Variants in STAG1 observed in about 807,000 individuals in gnomAD.
STAG1 encodes the protein cohesin subunit SA-1.
A neutral mutation model predicts 170.9 loss-of-function variants in STAG1; 26 were observed. The ratio of observed to expected loss-of-function variants is 0.15; its 90% CI spans 0.11 to 0.21. The LOEUF (loss-of-function observed/expected upper bound fraction) is 0.21, where lower values mean the gene tolerates loss of function less well. STAG1 is among the 10% of genes least tolerant of loss of function. The probability of loss-of-function intolerance (pLI) is 1.00; values close to 1 mark genes in which losing one functional copy is unlikely to be tolerated. For synonymous variants in STAG1, 514 were observed against 497.7 expected (o/e 1.03, Z -0.44); for missense variants, 964 against 1,509.5 (o/e 0.64, Z 5.99).
At chr3:136,697,419 G>A (rs989082726) in intron 1 of STAG1, among the ~76,000 whole-genome samples, 4 of 152,068 alleles carry the variant, frequency 2.6e-5, no homozygotes, top group African/African-American at 9.7e-5. Context: ...GATCTTCCAG[G>A]TGATTCTAAA....
At chr3:136,710,077 G>C (rs1943341331) in intron 1 of STAG1, among the ~76,000 whole-genome samples, 1 of 152,134 alleles carries the variant, frequency 6.6e-6, no homozygotes, top group Non-Finnish European at 1.5e-5. Flanking sequence ...GGGGAGGAGG[G>C]ATTGGGAACT....
At chr3:136,717,780 G>C (rs1943582556) in intron 1 of STAG1, among the ~76,000 whole-genome samples, 1 of 152,176 alleles carries the variant, frequency 6.6e-6, no homozygotes, top group South Asian at 2.1e-4. Context: ...ATCACGTATG[G>C]AAAGTAAAAT....
intron 1 of STAG1, among the ~76,000 whole-genome samples, chr3:136,697,050 C>A (rs549210263): frequency 6.6e-6 from 1 of 152,184 alleles, no homozygotes; most frequent in African/African-American, 2.4e-5. Flanking sequence ...TTGTCTTTAA[C>A]ATCTGTGGCG....
chr3:136,365,534 C>T (rs1937042284), intron 25 of STAG1, among the ~76,000 whole-genome samples: 1 of 152,044 alleles, frequency 6.6e-6, no homozygotes, highest in African/African-American at 2.4e-5. Context: ...CTGGGATCCA[C>T]CCTAAATATT....
chr3:136,538,694 A>T (rs1291443569), intron 6 of STAG1, among the ~76,000 whole-genome samples: 1 of 151,402 alleles, frequency 6.6e-6, no homozygotes, highest in East Asian at 2.0e-4. Context: ...TGCTGGGATT[A>T]CAGGCGTAAG....
At chr3:136,513,967 T>C (rs1225804769) in intron 7 of STAG1, among the ~76,000 whole-genome samples, 3 of 152,168 alleles carry the variant, frequency 2.0e-5, no homozygotes, top group Non-Finnish European at 4.4e-5. Flanking sequence ...AGAACACTTG[T>C]TTAAAAATAA....
At chr3:136,522,805 G>A (rs1199415649) in intron 6 of STAG1, among the ~76,000 whole-genome samples, 1 of 147,236 alleles carries the variant, frequency 6.8e-6, no homozygotes, top group Non-Finnish European at 1.5e-5. Flanking sequence ...ACCTATGAGT[G>A]AGAACATGCA....
chr3:136,576,295 C>A (rs1937453189), intron 4 of STAG1, among the ~76,000 whole-genome samples: 1 of 152,122 alleles, frequency 6.6e-6, no homozygotes, highest in South Asian at 2.1e-4. Flanking sequence ...CTCTCACACA[C>A]ACATACATAT....
intron 1 of STAG1, among the ~76,000 whole-genome samples, chr3:136,702,728 T>C (rs1008126634): frequency 1.3e-5 from 2 of 151,976 alleles, no homozygotes; most frequent in Admixed American, 6.6e-5. Context: ...ATTATCCAGG[T>C]TCATTCAGAT....
chr3:136,369,374 T>G, intron 23 of STAG1, 92 bp from the exon 24 acceptor site: 3 of 940,134 alleles, frequency 3.2e-6, no homozygotes, highest in Non-Finnish European at 4.5e-6. Flanking sequence ...AAACATAGTT[T>G]AATAGCAGTA....
intron 4 of STAG1, among the ~76,000 whole-genome samples, chr3:136,596,597 A>G (rs1938440263): frequency 6.6e-6 from 1 of 152,186 alleles, no homozygotes; most frequent in Non-Finnish European, 1.5e-5. Flanking sequence ...CTATCTTTTC[A>G]GAAAGTAATC....
intron 10 of STAG1, 78 bp downstream of exon 10, chr3:136,477,209 ACT>A: frequency 6.9e-7 from 1 of 1,443,210 alleles, no homozygotes; most frequent in Non-Finnish European, 9.3e-7. Flanking sequence ...TGAAAAATCA[ACT>A]ACTGTCATTT....
chr3:136,528,544 T>G (rs1935198121), intron 6 of STAG1, among the ~76,000 whole-genome samples: 1 of 136,486 alleles, frequency 7.3e-6, no homozygotes, highest in African/African-American at 2.8e-5. Flanking sequence ...TCCAAATTAT[T>G]TATTCTAAAG....
At chr3:136,698,922 T>C (rs1033274398) in intron 1 of STAG1, among the ~76,000 whole-genome samples, 21 of 152,150 alleles carry the variant, frequency 1.4e-4, no homozygotes, top group Non-Finnish European at 2.9e-4. Flanking sequence ...GCTACTTGGA[T>C]GGAGGTAGAG....
At chr3:136,412,239 T>A (rs944251964) in intron 21 of STAG1, among the ~76,000 whole-genome samples, 5 of 152,106 alleles carry the variant, frequency 3.3e-5, no homozygotes, top group African/African-American at 1.2e-4. Context: ...AGTGAGTGAA[T>A]GAATGAATAA....
At chr3:136,420,140 G>A (rs1326147542) in intron 20 of STAG1, among the ~76,000 whole-genome samples, 6 of 149,962 alleles carry the variant, frequency 4.0e-5, no homozygotes, top group Admixed American at 1.3e-4. Context: ...CCAGCTACTC[G>A]AGAGGCTAAG....
chr3:136,417,285 A>C (rs556997946), intron 21 of STAG1, among the ~76,000 whole-genome samples: 1 of 152,296 alleles, frequency 6.6e-6, no homozygotes, highest in South Asian at 2.1e-4. Context: ...ACCTACACTT[A>C]ATGATGGAGA....
At chr3:136,497,953 G>T (rs1348612756) in intron 9 of STAG1, among the ~76,000 whole-genome samples, 1 of 150,908 alleles carries the variant, frequency 6.6e-6, no homozygotes, top group African/African-American at 2.4e-5. Flanking sequence ...AGCACTTTGG[G>T]AGGCCAAGGC....
intron 6 of STAG1, among the ~76,000 whole-genome samples, chr3:136,539,987 T>C (rs1935809733): frequency 6.6e-6 from 1 of 152,108 alleles, no homozygotes; most frequent in African/African-American, 2.4e-5. Flanking sequence ...GAATTAGACA[T>C]TGTTCTAGAT....
Sources: gnomAD v4.1 joint callset for allele counts (sites outside exome capture counted in the v4.1 genomes callset) on GRCh38, gnomAD v4.1.1 for gene constraint, MANE v1.5 for transcripts, NCBI Gene and HGNC (gene_info 2026-07-23, HGNC 2026-07-21) for gene names.